The following ARMH3 variants were observed in gnomAD, a reference collection of about 807,000 sequenced individuals.
ARMH3 encodes armadillo-like helical domain-containing protein 3.
Under a neutral mutation model 99.1 loss-of-function variants are expected in ARMH3, and 60 were observed. The ratio of observed to expected loss-of-function variants is 0.61; its 90% CI spans 0.49 to 0.75. ARMH3 has a LOEUF of 0.75. ARMH3 is among the 30% of genes least tolerant of loss of function. The pLI, the probability that ARMH3 is intolerant of heterozygous loss-of-function variation, is 0.00. For synonymous variants in ARMH3, 285 were observed against 292.8 expected (o/e 0.97, Z 0.27); for missense variants, 679 against 843.1 (o/e 0.81, Z 2.41).
chr10:101,990,669 T>G, intron 18 of ARMH3, 58 bp from the exon 19 acceptor site: 1 of 1,436,452 alleles, frequency 7.0e-7, no homozygotes. Flanking sequence ...TTCTTGTCTT[T>G]GAGTTGGAAA....
chr10:101,963,908 G>A (rs367688315), intron 20 of ARMH3, among the ~76,000 whole-genome samples: 1 of 127,230 alleles, frequency 7.9e-6, no homozygotes, highest in East Asian at 2.2e-4. Flanking sequence ...ACGGAGTCTT[G>A]CTCTGTCGCC....
intron 23 of ARMH3, among the ~76,000 whole-genome samples, chr10:101,895,057 T>C (rs2067790400): frequency 6.6e-6 from 1 of 151,902 alleles, no homozygotes. Context: ...GAGTGGACAA[T>C]GAATGAGAAA....
At chr10:101,945,296 G>C (rs1218830370) in intron 22 of ARMH3, among the ~76,000 whole-genome samples, 1 of 152,180 alleles carries the variant, frequency 6.6e-6, no homozygotes, top group Non-Finnish European at 1.5e-5. Flanking sequence ...GAAAGAAATT[G>C]AGAGGCCAGG....
intron 5 of ARMH3, among the ~76,000 whole-genome samples, chr10:102,025,503 A>G (rs989574690): frequency 3.3e-5 from 5 of 152,352 alleles, no homozygotes; most frequent in South Asian, 2.1e-4. Context: ...CAGTTGCACA[A>G]GAGAGTAAAG....
intron 20 of ARMH3, among the ~76,000 whole-genome samples, chr10:101,967,247 G>C (rs1845579488): frequency 1.3e-5 from 2 of 152,088 alleles, no homozygotes; most frequent in Non-Finnish European, 2.9e-5. Flanking sequence ...AAACTCAAAG[G>C]ACACGATGAA....
chr10:101,959,452 G>A (rs999492760), intron 20 of ARMH3, among the ~76,000 whole-genome samples: 2 of 152,174 alleles, frequency 1.3e-5, no homozygotes, highest in Admixed American at 1.3e-4. Context: ...TCTGCAAAAC[G>A]TAATGGCTAG....
At chr10:101,898,684 A>ACG (rs1399215895) in intron 23 of ARMH3, among the ~76,000 whole-genome samples, 9 of 152,220 alleles carry the variant, frequency 5.9e-5, no homozygotes, top group Non-Finnish European at 1.3e-4. Context: ...ATACGCGCAC[A>ACG]CGCGCACACA....
chr10:102,010,805 G>A (rs1033876078), intron 11 of ARMH3, among the ~76,000 whole-genome samples: 1 of 152,116 alleles, frequency 6.6e-6, no homozygotes, highest in African/African-American at 2.4e-5. Flanking sequence ...TCAAACACCA[G>A]TACAAAACTC....
chr10:101,967,956 T>G (rs1050531141), intron 20 of ARMH3, among the ~76,000 whole-genome samples: 1 of 152,034 alleles, frequency 6.6e-6, no homozygotes, highest in African/African-American at 2.4e-5. Context: ...TTCCTCTAAA[T>G]GAGTCAGAAA....
chr10:102,018,208 C>T (rs1334667600), intron 8 of ARMH3, among the ~76,000 whole-genome samples: 1 of 152,166 alleles, frequency 6.6e-6, no homozygotes, highest in Non-Finnish European at 1.5e-5. Context: ...GGTCCCCTTC[C>T]TTTTCTGTGT....
chr10:101,898,688 GCA>G lies in ARMH3; in HGVS notation c.1782-9200_1782-9199del, dbSNP rs149304468. Reference sequence around the variant, plus strand: ...TGTTATACTCAATACGCGCACACGCGCACACACACACACACATATATGTATGT... The same window carrying G: ...TGTTATACTCAATACGCGCACACGCGCACACACACACACATATATGTATGT... On this transcript the variant is annotated intron_variant, in intron 23 of 25. Coordinates refer to ENST00000370033, the MANE Select transcript of ARMH3 (RefSeq NM_024541.3). Among the ~76,000 whole-genome samples, 10 of 151,454 alleles carry G rather than the reference GCA, an allele frequency of 6.6e-5. No homozygotes were observed. The South Asian group carries it at 1.5e-3, about 22-fold the overall frequency.
chr10:102,033,601 G>A (rs1322694312), intron 2 of ARMH3, among the ~76,000 whole-genome samples: 2 of 152,058 alleles, frequency 1.3e-5, no homozygotes, highest in Non-Finnish European at 2.9e-5. Flanking sequence ...TGTATTTTCA[G>A]TAGAGACAGG....
chr10:101,922,000 A>T (rs1843327175), intron 23 of ARMH3, among the ~76,000 whole-genome samples: 1 of 152,228 alleles, frequency 6.6e-6, no homozygotes, highest in Admixed American at 6.5e-5. Context: ...ACTGTTCCCA[A>T]CACAGAAATG....
chr10:101,928,725 G>T (rs1843603377), intron 23 of ARMH3, among the ~76,000 whole-genome samples: 1 of 152,068 alleles, frequency 6.6e-6, no homozygotes, highest in South Asian at 2.1e-4. Context: ...TGTTGTTGTT[G>T]TTGTTTGTTT....
At chr10:102,051,937 C>T (rs1024150184) in intron 1 of ARMH3, among the ~76,000 whole-genome samples, 1 of 152,178 alleles carries the variant, frequency 6.6e-6, no homozygotes, top group African/African-American at 2.4e-5. Flanking sequence ...ATTCCTCCTT[C>T]CGAAGGGGGA....
chr10:102,001,929 AC>A (rs755938365), intron 15 of ARMH3, 41 bp downstream of exon 15: 16 of 1,562,160 alleles, frequency 1.0e-5, no homozygotes, highest in South Asian at 6.7e-5. Flanking sequence ...GCTGCCTGCC[AC>A]ACCTTTGACT....
chr10:101,889,533 G>T (rs373745425), intron 23 of ARMH3, 43 bp from the exon 24 acceptor site: 2 of 1,515,794 alleles, frequency 1.3e-6, no homozygotes, highest in Non-Finnish European at 1.8e-6. Context: ...AGATAGAAGA[G>T]GTGGATACAT....
rs558549790 is a variant in ARMH3, at chr10:102,007,709, T to C, written c.955-1076A>G. 2.1e-5 allele frequency among the ~76,000 whole-genome samples: 3 copies of C among 146,036 alleles called. No homozygotes were observed. In the East Asian group the frequency reaches 5.9e-4, roughly 29 times the overall value. On this transcript the variant is annotated intron_variant, in intron 13 of 25. Coordinates refer to ENST00000370033, the MANE Select transcript of ARMH3 (RefSeq NM_024541.3). ...TTAGCCAGGTGTGGTGGCAGGCACC[T>C]GTAGTCCCAGCTACTCGGGAGGCTG... is the stretch of plus-strand genomic sequence containing the variant.
intron 6 of ARMH3, among the ~76,000 whole-genome samples, chr10:102,024,492 A>C (rs1002671189): frequency 6.6e-6 from 1 of 151,584 alleles, no homozygotes; most frequent in African/African-American, 2.4e-5. Context: ...AAAAATACTC[A>C]GAATCCTCCG....
Sources: gnomAD v4.1 joint callset for allele counts (sites outside exome capture counted in the v4.1 genomes callset) on GRCh38, gnomAD v4.1.1 for gene constraint, MANE v1.5 for transcripts, NCBI Gene and HGNC (gene_info 2026-07-23, HGNC 2026-07-21) for gene names.